The following MDGA2 variants were observed in gnomAD, a reference collection of about 807,000 sequenced individuals.
MDGA2 encodes the protein MAM domain-containing glycosylphosphatidylinositol anchor protein 2.
A neutral mutation model predicts 117.8 loss-of-function variants in MDGA2; 40 were observed. That is an observed-to-expected ratio of 0.34 (90% CI 0.26 to 0.44). MDGA2 has a LOEUF of 0.44. Among genes scored for constraint, MDGA2 ranks in the 20% least tolerant of loss-of-function variants. The pLI, the probability that MDGA2 is intolerant of heterozygous loss-of-function variation, is 1.00. For missense variants in MDGA2, 1,123 were observed against 1,250.6 expected, an observed-to-expected ratio of 0.90 and a Z score of 1.54; for synonymous variants, 452 against 439.0, an observed-to-expected ratio of 1.03 and a Z score of -0.37.
chr14:47,473,194 G>A (rs938785740), intron 1 of MDGA2, among the ~76,000 whole-genome samples: 1 of 152,072 alleles, frequency 6.6e-6, no homozygotes, highest in African/African-American at 2.4e-5. Flanking sequence ...GAGGTCACAG[G>A]GGCACAGACC....
intron 1 of MDGA2, among the ~76,000 whole-genome samples, chr14:47,383,556 C>T (rs11157556): frequency 1 from 152,090 of 152,244 alleles, 75,968 homozygotes; most frequent in Middle Eastern, 1. Flanking sequence ...TTCTTTTTTT[C>T]GAGACAGGGT....
intron 2 of MDGA2, among the ~76,000 whole-genome samples, chr14:47,221,426 C>T (rs1291162847): frequency 3.3e-5 from 5 of 152,292 alleles, no homozygotes; most frequent in African/African-American, 9.6e-5. Context: ...CGGTGGCTCA[C>T]GCCTGTAATC....
chr14:47,465,924 A>G (rs950200669), intron 1 of MDGA2, among the ~76,000 whole-genome samples: 1 of 152,150 alleles, frequency 6.6e-6, no homozygotes, highest in African/African-American at 2.4e-5. Flanking sequence ...CATGGAATCA[A>G]CTTGAATGCT....
chr14:47,639,236 A>G (rs1288719077), intron 1 of MDGA2, among the ~76,000 whole-genome samples: 1 of 152,160 alleles, frequency 6.6e-6, no homozygotes, highest in East Asian at 1.9e-4. Flanking sequence ...CCCTCTTAGA[A>G]TGTAAGCTCC....
At chr14:47,454,389 T>C (rs1893304178) in intron 1 of MDGA2, among the ~76,000 whole-genome samples, 5 of 152,218 alleles carry the variant, frequency 3.3e-5, no homozygotes, top group African/African-American at 9.6e-5. Context: ...TTCTGCCTTA[T>C]AGGAAGAGGA....
intron 10 of MDGA2, among the ~76,000 whole-genome samples, chr14:46,902,391 T>G (rs1227041531): frequency 1.3e-5 from 2 of 152,174 alleles, no homozygotes. Context: ...CCTCCCTCCC[T>G]CACTACAGGG....
At chr14:47,291,060 A>C (rs961020861) in intron 2 of MDGA2, among the ~76,000 whole-genome samples, 2 of 151,680 alleles carry the variant, frequency 1.3e-5, no homozygotes, top group Non-Finnish European at 2.9e-5. Context: ...TCTCTTCTCA[A>C]ACTTACTGAA....
intron 1 of MDGA2, among the ~76,000 whole-genome samples, chr14:47,636,924 A>C (rs2138236174): frequency 6.6e-6 from 1 of 151,782 alleles, no homozygotes; most frequent in South Asian, 2.1e-4. Flanking sequence ...GTGAGCTGAG[A>C]TCATGCCACT....
At chr14:47,272,273 T>A (rs554408440) in intron 2 of MDGA2, among the ~76,000 whole-genome samples, 9 of 152,238 alleles carry the variant, frequency 5.9e-5, no homozygotes, top group African/African-American at 1.9e-4. Flanking sequence ...GAGGGAGGCA[T>A]CATGATTATC....
At chr14:47,469,311 C>T (rs542594197) in intron 1 of MDGA2, among the ~76,000 whole-genome samples, 2 of 152,190 alleles carry the variant, frequency 1.3e-5, no homozygotes, top group South Asian at 2.1e-4. Flanking sequence ...CCCCACTCCC[C>T]GACCCCACAA....
At chr14:47,206,444 A>T (rs1235480000) in intron 3 of MDGA2, among the ~76,000 whole-genome samples, 1 of 151,668 alleles carries the variant, frequency 6.6e-6, no homozygotes, top group East Asian at 1.9e-4. Flanking sequence ...AAAAAAAAAT[A>T]GCCTGGCATG....
At chr14:46,897,246 A>G (rs903015802) in intron 10 of MDGA2, among the ~76,000 whole-genome samples, 1 of 152,130 alleles carries the variant, frequency 6.6e-6, no homozygotes, top group Non-Finnish European at 1.5e-5. Flanking sequence ...AAGTGTGCCT[A>G]TGTTTAAATA....
chr14:47,603,244 A>G (rs1370798638), intron 1 of MDGA2, among the ~76,000 whole-genome samples: 1 of 152,170 alleles, frequency 6.6e-6, no homozygotes, highest in African/African-American at 2.4e-5. Context: ...CTGTCTCACT[A>G]CTAATTGACT....
At chr14:47,375,508 C>T (rs1178333929) in intron 1 of MDGA2, among the ~76,000 whole-genome samples, 1 of 151,938 alleles carries the variant, frequency 6.6e-6, no homozygotes, top group Non-Finnish European at 1.5e-5. Flanking sequence ...ACTTGCTTTC[C>T]CTAAATCTGC....
chr14:46,843,670 T>G (rs1161703289), intron 16 of MDGA2, among the ~76,000 whole-genome samples: 1 of 152,166 alleles, frequency 6.6e-6, no homozygotes, highest in Non-Finnish European at 1.5e-5. Context: ...TTTTTGTCTT[T>G]TGACAATACT....
intron 1 of MDGA2, among the ~76,000 whole-genome samples, chr14:47,475,864 C>T (rs1475924412): frequency 6.6e-6 from 1 of 152,066 alleles, no homozygotes; most frequent in Non-Finnish European, 1.5e-5. Flanking sequence ...AAAAGGCATG[C>T]TGGACTTAAT....
chr14:47,094,829 A>G (rs1183427695), intron 6 of MDGA2, among the ~76,000 whole-genome samples: 1 of 151,998 alleles, frequency 6.6e-6, no homozygotes, highest in East Asian at 1.9e-4. Context: ...AACACCGATT[A>G]CAATACAATT....
chr14:47,487,637 A>G (rs574253052), intron 1 of MDGA2, among the ~76,000 whole-genome samples: 11 of 152,290 alleles, frequency 7.2e-5, no homozygotes, highest in African/African-American at 2.6e-4. Flanking sequence ...ATGGAAAAGA[A>G]TATCAGGTAA....
chr14:47,303,400 T>C (rs1332915083), intron 1 of MDGA2, among the ~76,000 whole-genome samples: 1 of 152,188 alleles, frequency 6.6e-6, no homozygotes, highest in Non-Finnish European at 1.5e-5. Flanking sequence ...AAATTTTCCA[T>C]CATGTCTCTG....
Sources: allele counts gnomAD v4.1 joint callset (sites outside exome capture counted in the v4.1 genomes callset), GRCh38; gene constraint gnomAD v4.1.1; transcripts MANE v1.5; gene names NCBI Gene and HGNC (gene_info 2026-07-23, HGNC 2026-07-21).